Variants in ARHGAP8 observed in about 807,000 individuals in gnomAD.
ARHGAP8 encodes the protein rho GTPase-activating protein 8.
In ARHGAP8, 62 loss-of-function variants were observed where a neutral mutation model predicts 46.1. That is an observed-to-expected ratio of 1.34 (90% CI 1.10 to 1.66). ARHGAP8 has a LOEUF of 1.66. Among genes scored for constraint, ARHGAP8 ranks in the 40% most tolerant of loss-of-function variants. The pLI, the probability that ARHGAP8 is intolerant of heterozygous loss-of-function variation, is 0.00. For missense variants in ARHGAP8, 923 were observed against 568.4 expected (o/e 1.62, Z -6.34); for synonymous variants, 375 against 243.1 (o/e 1.54, Z -5.05).
chr22:44,857,631 A>G (rs6007334), intron 10 of ARHGAP8, among the ~76,000 whole-genome samples: 22,577 of 152,000 alleles, frequency 0.15, 2,165 homozygotes, highest in African/African-American at 0.28. Context: ...GGGACATGCC[A>G]TCTTCAGAGA....
rs555926881 is a variant in ARHGAP8 at position 44,801,925 on chromosome 22, A to G, written c.80-152A>G. 3.9e-5 allele frequency: 29 copies of G among 738,294 alleles called. No individual in the cohort carries two copies. In the African/African-American group the frequency reaches 4.9e-4, roughly 12 times the overall value. The allele number at this position is 738,294 out of a possible 1,614,324, so 45.7% of individuals were successfully genotyped here. On this transcript the variant is annotated intron_variant, in intron 2 of 11. Transcript: ENST00000356099. Reference sequence around the variant, plus strand: ...ACGTGCATAAAGCCACAGGTGATGGATGCTCACTCAGCAGGTGTCGCCTCC... The same window carrying G: ...ACGTGCATAAAGCCACAGGTGATGGGTGCTCACTCAGCAGGTGTCGCCTCC...
intron 2 of ARHGAP8, among the ~76,000 whole-genome samples, chr22:44,787,047 A>AAAAAAAC (rs796358176): frequency 0.19 from 27,242 of 145,068 alleles, 3,332 homozygotes; most frequent in South Asian, 0.37. Context: ...CAAAAAAAAA[A>AAAAAAAC]AAAAGAAAGA....
intron 2 of ARHGAP8, among the ~76,000 whole-genome samples, chr22:44,797,805 A>T (rs1260600834): frequency 6.6e-6 from 1 of 151,668 alleles, no homozygotes; most frequent in Non-Finnish European, 1.5e-5. Flanking sequence ...TGTGCACGCA[A>T]GTGTGTAATT....
intron 7 of ARHGAP8, among the ~76,000 whole-genome samples, chr22:44,842,976 T>G (rs2064961576): frequency 6.6e-6 from 1 of 152,220 alleles, no homozygotes; most frequent in Non-Finnish European, 1.5e-5. Context: ...GGGCTACGTT[T>G]TCATTTTCAT....
intron 7 of ARHGAP8, among the ~76,000 whole-genome samples, chr22:44,829,775 A>G (rs1012833117): frequency 1.3e-5 from 2 of 152,254 alleles, no homozygotes; most frequent in African/African-American, 4.8e-5. Context: ...CACAAATGTT[A>G]ATTTGCCAAG....
At chr22:44,761,965 AC>A (rs201408678) in intron 1 of ARHGAP8, among the ~76,000 whole-genome samples, 13 of 151,360 alleles carry the variant, frequency 8.6e-5, no homozygotes, top group Admixed American at 6.6e-5. Flanking sequence ...GTGTGGGGGA[AC>A]CCCCCCCAAC....
intron 11 of ARHGAP8, among the ~76,000 whole-genome samples, chr22:44,860,471 T>C (rs575680308): frequency 3.3e-5 from 5 of 151,922 alleles, no homozygotes; most frequent in Admixed American, 2.0e-4. Context: ...CTTTCCCTCC[T>C]AAGTGTGGAC....
intron 1 of ARHGAP8, among the ~76,000 whole-genome samples, chr22:44,756,580 C>T (rs963044808): frequency 4.0e-5 from 5 of 123,706 alleles, no homozygotes; most frequent in East Asian, 3.0e-4. Flanking sequence ...CCCCACACCC[C>T]GCCCCCCCAC....
rs2069924715 is a variant in ARHGAP8 at position 44,845,250 on chromosome 22, T to G, written c.597-19T>G. ...TCAAGCTCAGGTAAAAACTGCGACT[T>G]TCTTTTCTGTTTTCTCAGCCTCAAA... On this transcript the variant is annotated intron_variant, in intron 7 of 11. Coordinates refer to ENST00000356099, the MANE Select transcript of ARHGAP8 (RefSeq NM_181335.3). 6.2e-7 allele frequency: 1 copy of G among 1,613,926 alleles called. No homozygotes were observed. The highest frequency in any genetic ancestry group is 8.5e-7 in the Non-Finnish European group (1 of 1,179,970).
At chr22:44,797,144 A>G (rs1195503888) in intron 2 of ARHGAP8, among the ~76,000 whole-genome samples, 5 of 150,344 alleles carry the variant, frequency 3.3e-5, no homozygotes, top group Admixed American at 1.3e-4. Context: ...CTGATCTTCC[A>G]TTGGTCCAAT....
intron 9 of ARHGAP8, 47 bp downstream of exon 9, chr22:44,848,097 G>A: frequency 6.3e-7 from 1 of 1,598,238 alleles, no homozygotes; most frequent in Non-Finnish European, 8.5e-7. Flanking sequence ...TGGTCAGCGA[G>A]CACAGCGCTC....
chr22:44,845,455 G>C, intron 8 of ARHGAP8, 113 bp downstream of exon 8: 2 of 1,447,654 alleles, frequency 1.4e-6, no homozygotes, highest in East Asian at 4.6e-5. Flanking sequence ...ACCAGGAAGG[G>C]AGGGGCTCAA....
At chr22:44,794,040 G>A (rs964799029) in intron 2 of ARHGAP8, among the ~76,000 whole-genome samples, 7 of 152,194 alleles carry the variant, frequency 4.6e-5, no homozygotes, top group Admixed American at 3.3e-4. Context: ...AGGAAGGCGC[G>A]GAGGCTTGGC....
In ARHGAP8 at chr22:44,786,885, T is replaced by C. The variant is rs6007296; in HGVS notation, c.79+279T>C. 4.4e-3 allele frequency among the ~76,000 whole-genome samples: 668 copies of C among 152,084 alleles called. 8 individuals are homozygous for C. The highest frequency in any genetic ancestry group is 0.015 in the African/African-American group (611 of 41,500). Reference sequence around the variant, plus strand: ...TACAAAAATCAGCCGAGCATGGTGTTGCATGCCTGTATTCCCAGCTACTTG... The same window carrying C: ...TACAAAAATCAGCCGAGCATGGTGTCGCATGCCTGTATTCCCAGCTACTTG... On this transcript the variant is annotated intron_variant, in intron 2 of 11. Transcript: ENST00000356099.
chr22:44,779,122 CAG>C (rs1235387964), intron 1 of ARHGAP8, among the ~76,000 whole-genome samples: 34 of 131,140 alleles, frequency 2.6e-4, no homozygotes, highest in African/African-American at 9.1e-4. Context: ...TTTTTTGAGA[CAG>C]AGTCTCACTC....
intron 1 of ARHGAP8, among the ~76,000 whole-genome samples, chr22:44,777,674 ATTGTT>A (rs908630185): frequency 6.7e-6 from 1 of 149,764 alleles, no homozygotes; most frequent in African/African-American, 2.5e-5. Flanking sequence ...CCCAGTGGTG[ATTGTT>A]TTGTTTTATT....
intron 11 of ARHGAP8, among the ~76,000 whole-genome samples, chr22:44,860,756 A>T (rs893261697): frequency 4.0e-5 from 5 of 124,556 alleles, no homozygotes; most frequent in African/African-American, 1.5e-4. Context: ...CTGTGCAGCC[A>T]ACAGGGGAAG....
chr22:44,771,647 C>T (rs767000060), intron 1 of ARHGAP8, among the ~76,000 whole-genome samples: 48 of 151,908 alleles, frequency 3.2e-4, no homozygotes, highest in Non-Finnish European at 5.0e-4. Context: ...CTCTGCCTTC[C>T]GGGTTCAAGC....
In ARHGAP8 at chr22:44,856,394, C is replaced by T. The variant is rs539413889; in HGVS notation, c.878-3337C>T. 5.0e-3 allele frequency among the ~76,000 whole-genome samples: 760 copies of T among 151,788 alleles called. 1 individual carries two copies. Among genetic ancestry groups the T allele is most frequent in the Non-Finnish European group, 6.6e-3 (449 of 67,938 alleles). On this transcript the variant is annotated intron_variant, in intron 10 of 11. Coordinates refer to ENST00000356099, the MANE Select transcript of ARHGAP8 (RefSeq NM_181335.3). ...GTTCAAGTGATTGTCCTGCCTCAGG[C>T]TCCCAAGTATCTGGGATTACAGGCA... is the stretch of plus-strand genomic sequence containing the variant.
Sources: allele counts gnomAD v4.1 joint callset (sites outside exome capture counted in the v4.1 genomes callset), GRCh38; gene constraint gnomAD v4.1.1; transcripts MANE v1.5; gene names NCBI Gene and HGNC (gene_info 2026-07-23, HGNC 2026-07-21).